The following XPA variants were observed in gnomAD, a reference collection of about 807,000 sequenced individuals.
XPA encodes DNA repair protein complementing XP-A cells.
Under a neutral mutation model 35.7 loss-of-function variants are expected in XPA, and 27 were observed. The observed-to-expected ratio is 0.76, with a 90% confidence interval of 0.56 to 1.04. The LOEUF (loss-of-function observed/expected upper bound fraction) is 1.04, where lower values mean the gene tolerates loss of function less well. XPA is among the 50% of genes least tolerant of loss of function. XPA has a pLI of 0.00. For synonymous variants in XPA, 133 were observed against 118.4 expected (o/e 1.12, Z -0.80); for missense variants, 354 against 342.7 (o/e 1.03, Z -0.26).
chr9:97,687,356 G>T, intron 3 of XPA, 95 bp from the exon 4 acceptor site: 1 of 1,101,710 alleles, frequency 9.1e-7, no homozygotes, highest in Non-Finnish European at 1.3e-6. Flanking sequence ...ACAGCAAAAA[G>T]GACATATAAA....
At chr9:97,658,860 G>T in the XPA span, 1 of 757,712 alleles carries the variant, frequency 1.3e-6, no homozygotes, top group Non-Finnish European at 2.2e-6. Flanking sequence ...TATATTTCCT[G>T]TATTTGAAAG....
At chr9:97,662,862 TATAAA>T in the XPA span, 1 of 940,510 alleles carries the variant, frequency 1.1e-6, no homozygotes, top group Non-Finnish European at 1.6e-6. Context: ...TATATTGCAT[TATAAA>T]TTGAGTAACA....
chr9:97,656,956 T>C, the XPA span, among the ~76,000 whole-genome samples: 1 of 151,700 alleles, frequency 6.6e-6, no homozygotes. Flanking sequence ...TGGTCTGGAG[T>C]GTTTTTTTTG....
chr9:97,680,634 T>A (rs976361290), intron 5 of XPA, among the ~76,000 whole-genome samples: 1 of 152,148 alleles, frequency 6.6e-6, no homozygotes, highest in African/African-American at 2.4e-5. Flanking sequence ...AAAGTAAATA[T>A]GGCAAATGTC....
At chr9:97,689,752 A>G in intron 2 of XPA, 113 bp from the exon 3 acceptor site, 1 of 624,988 alleles carries the variant, frequency 1.6e-6, no homozygotes, top group Admixed American at 3.2e-5. Flanking sequence ...AATACATTTA[A>G]GTAAAAGACA....
the XPA span, among the ~76,000 whole-genome samples, chr9:97,655,153 C>T: frequency 6.6e-6 from 1 of 152,136 alleles, no homozygotes; most frequent in South Asian, 2.1e-4. Context: ...ATTTCATTCT[C>T]TAGTCAAGTA....
At chr9:97,661,098 A>C in the XPA span, 1 of 1,608,926 alleles carries the variant, frequency 6.2e-7, no homozygotes, top group Non-Finnish European at 8.5e-7. Flanking sequence ...TCTTAAGTGG[A>C]ACTATGTATA....
Position 97,697,210 on chromosome 9 carries a change from A to G in XPA, c.83T>C (p.Ile28Thr). 2 of 1,601,310 alleles carry G rather than the reference A, an allele frequency of 1.2e-6. No individual in the cohort carries two copies. Among genetic ancestry groups the G allele is most frequent in the African/African-American group, 2.7e-5 (2 of 74,698 alleles). ...AELPASVRAS[I>T]ERKRQRALML... is the part of the protein sequence containing the mutation. The stretch of plus-strand genomic sequence containing the variant: ...CAGTGCCCGCTGCCGCTTCCGCTCG[A>G]TACTCGCCCGCACCGAGGCAGGCAG... Residue 28 changes from isoleucine (I) to threonine (T), a missense_variant, in exon 1 of 6, where the codon ATC becomes ACC. Coordinates refer to ENST00000375128, the MANE Select transcript of XPA (RefSeq NM_000380.4).
intron 5 of XPA, among the ~76,000 whole-genome samples, chr9:97,678,493 A>G (rs1828438657): frequency 6.6e-6 from 1 of 152,226 alleles, no homozygotes; most frequent in Non-Finnish European, 1.5e-5. Context: ...TTTGAGCAAC[A>G]AAGTAAGGAC....
intron 5 of XPA, among the ~76,000 whole-genome samples, chr9:97,680,844 C>T (rs3176714): frequency 0.12 from 17,962 of 152,062 alleles, 3,017 homozygotes; most frequent in African/African-American, 0.37. Flanking sequence ...GCTGAGGAAA[C>T]CTGGGGTGGG....
intron 4 of XPA, among the ~76,000 whole-genome samples, chr9:97,686,375 G>A (rs1366737899): frequency 6.6e-6 from 1 of 152,168 alleles, no homozygotes; most frequent in African/African-American, 2.4e-5. Flanking sequence ...TGCAGCAAGT[G>A]GAGTTGAGAC....
Position 97,697,311 on chromosome 9 carries a change from ACCTAGCTCCCAGCT to A in XPA, c.-33_-20del, listed in dbSNP as rs2131411984. 2.5e-6 allele frequency: 4 copies of A among 1,597,084 alleles called. No homozygotes were observed. The East Asian group carries it at 8.9e-5, about 36-fold the overall frequency. On this transcript the variant is annotated 5_prime_UTR_variant, in exon 1 of 6. Transcript: ENST00000375128. ...CCGCCATCTCTGGCCCACTCCGAGG[ACCTAGCTCCCAGCT>A]CCACGCACGCGCACTGCACGCCGAG...
chr9:97,693,480 T>C (rs1828952247), intron 2 of XPA, among the ~76,000 whole-genome samples, 169 bp downstream of exon 2: 1 of 152,192 alleles, frequency 6.6e-6, no homozygotes, highest in African/African-American at 2.4e-5. Context: ...GTTTCTTTGA[T>C]TGTTTTTTTA....
intron 1 of XPA, 147 bp from the exon 2 acceptor site, chr9:97,693,906 G>GAATAGAGC (rs1339040080): frequency 5.1e-6 from 4 of 779,924 alleles, no homozygotes; most frequent in African/African-American, 3.5e-5. Flanking sequence ...ACATTATACT[G>GAATAGAGC]AAGGTCCCAG....
At chr9:97,669,765 T>TA in the XPA span, 148 of 1,249,514 alleles carry the variant, frequency 1.2e-4, no homozygotes, top group Non-Finnish European at 1.5e-4. Flanking sequence ...GATTTTTCAT[T>TA]AAAAAAAATC....
At chr9:97,678,008 G>T (rs1335380681) in intron 5 of XPA, among the ~76,000 whole-genome samples, 1 of 152,166 alleles carries the variant, frequency 6.6e-6, no homozygotes, top group African/African-American at 2.4e-5. Context: ...AAAACTGGAT[G>T]TATCAGTGTA....
rs1187033314 is a variant in XPA, at chr9:97,693,640, T to C, written c.283+9A>G. The C allele has an allele frequency of 1.2e-6, 2 of 1,612,664 alleles. No individual in the cohort carries two copies. The highest frequency in any genetic ancestry group is 2.2e-5 in the South Asian group (2 of 91,048). On this transcript the variant is annotated intron_variant, in intron 2 of 5. Transcript: ENST00000375128. Reference sequence around the variant, plus strand: ...ATCTAGATACTTATTTTTGAAAAACTCACTTTACCTGGTTGATGAACAACT... The same window carrying C: ...ATCTAGATACTTATTTTTGAAAAACCCACTTTACCTGGTTGATGAACAACT...
chr9:97,666,889 G>T, the XPA span: 1 of 1,538,498 alleles, frequency 6.5e-7, no homozygotes, highest in African/African-American at 1.4e-5. Context: ...TAAGTTTTGT[G>T]TAAACTTGTA....
intron 5 of XPA, among the ~76,000 whole-genome samples, chr9:97,681,850 G>T (rs1026499539): frequency 5.9e-5 from 9 of 152,128 alleles, no homozygotes; most frequent in African/African-American, 2.2e-4. Context: ...TGCTACTGAA[G>T]AGAGGAAGGA....
Sources: allele counts gnomAD v4.1 joint callset (sites outside exome capture counted in the v4.1 genomes callset), GRCh38; gene constraint gnomAD v4.1.1; transcripts MANE v1.5; gene names NCBI Gene and HGNC (gene_info 2026-07-23, HGNC 2026-07-21).